The following CHCHD3 variants were observed in gnomAD, a reference collection of about 807,000 sequenced individuals.
The protein encoded by CHCHD3 is MICOS complex subunit MIC19.
A neutral mutation model predicts 38.2 loss-of-function variants in CHCHD3; 20 were observed. The ratio of observed to expected loss-of-function variants is 0.52; its 90% CI spans 0.37 to 0.76. CHCHD3 has a LOEUF of 0.76. Among genes scored for constraint, CHCHD3 ranks in the 30% least tolerant of loss-of-function variants. CHCHD3 has a pLI of 0.00. For missense variants in CHCHD3, 245 were observed against 279.2 expected (o/e 0.88, Z 0.87); for synonymous variants, 82 against 100.0 (o/e 0.82, Z 1.07).
intron 2 of CHCHD3, among the ~76,000 whole-genome samples, chr7:133,067,008 C>T (rs1418972002): frequency 1.3e-5 from 2 of 152,196 alleles, no homozygotes; most frequent in Non-Finnish European, 2.9e-5. Context: ...GTCAGACAAA[C>T]TTGAATGTAA....
chr7:132,956,483 T>G (rs1170455368), intron 4 of CHCHD3, among the ~76,000 whole-genome samples: 4 of 152,212 alleles, frequency 2.6e-5, no homozygotes, highest in Non-Finnish European at 5.9e-5. Context: ...AGTCCACTCT[T>G]GCTAAAACAA....
At chr7:133,072,711 C>T (rs1267984094) in intron 1 of CHCHD3, among the ~76,000 whole-genome samples, 1 of 151,630 alleles carries the variant, frequency 6.6e-6, no homozygotes, top group African/African-American at 2.4e-5. Context: ...TGGTGGCGGG[C>T]GCCTGTAGTC....
At chr7:132,862,120 G>A (rs1808510068) in intron 5 of CHCHD3, among the ~76,000 whole-genome samples, 2 of 150,776 alleles carry the variant, frequency 1.3e-5, no homozygotes, top group South Asian at 4.2e-4. Flanking sequence ...AATGAAGGAA[G>A]GAAGGAGGGA....
chr7:133,012,517 A>C (rs1812902357), intron 3 of CHCHD3, among the ~76,000 whole-genome samples: 1 of 152,128 alleles, frequency 6.6e-6, no homozygotes, highest in Admixed American at 6.5e-5. Context: ...TAATCCTAAC[A>C]CTTTGGGAAG....
intron 4 of CHCHD3, among the ~76,000 whole-genome samples, chr7:132,928,555 G>T (rs893720676): frequency 1.3e-5 from 2 of 152,212 alleles, no homozygotes; most frequent in Admixed American, 6.5e-5. Context: ...AAATTAGCCA[G>T]GCATGGTGGT....
intron 6 of CHCHD3, among the ~76,000 whole-genome samples, chr7:132,824,678 C>T (rs1440159197): frequency 6.6e-6 from 1 of 152,188 alleles, no homozygotes; most frequent in Non-Finnish European, 1.5e-5. Context: ...TAAAATACGG[C>T]ATTTCAAGTT....
At chr7:132,858,637 T>C (rs1808404485) in intron 5 of CHCHD3, among the ~76,000 whole-genome samples, 1 of 152,274 alleles carries the variant, frequency 6.6e-6, no homozygotes, top group Non-Finnish European at 1.5e-5. Context: ...AAATTTTTAG[T>C]CTTCAGCTCT....
At chr7:132,810,877 C>T (rs1807053504) in intron 6 of CHCHD3, among the ~76,000 whole-genome samples, 1 of 152,080 alleles carries the variant, frequency 6.6e-6, no homozygotes, top group Non-Finnish European at 1.5e-5. Context: ...AGAAAAATCA[C>T]AAAACTAGGG....
intron 2 of CHCHD3, among the ~76,000 whole-genome samples, chr7:133,055,242 T>G (rs1332330122): frequency 1.4e-5 from 2 of 147,740 alleles, no homozygotes; most frequent in Non-Finnish European, 3.0e-5. Context: ...TATACTTATA[T>G]GTTTATAATA....
At chr7:133,036,859 GA>G (rs1211701435) in intron 2 of CHCHD3, among the ~76,000 whole-genome samples, 5 of 152,176 alleles carry the variant, frequency 3.3e-5, no homozygotes, top group African/African-American at 1.2e-4. Flanking sequence ...TAGTTTGCAA[GA>G]GACTGTTTAA....
Position 132,911,327 on chromosome 7 carries a change from T to A in CHCHD3, c.370-25582A>T, listed in dbSNP as rs529664539. Among the ~76,000 whole-genome samples the A allele has an allele frequency of 9.2e-5, 14 of 152,132 alleles. No homozygotes were observed. In the South Asian group the frequency reaches 2.9e-3, roughly 32 times the overall value. ...AAGAGCTAGAAGCAACCCGAGAACA[T>A]CATTAACTACCTGTCAATGTTCTCT... On this transcript the variant is annotated intron_variant, in intron 4 of 7. Coordinates refer to ENST00000262570, the MANE Select transcript of CHCHD3 (RefSeq NM_017812.4).
intron 5 of CHCHD3, among the ~76,000 whole-genome samples, chr7:132,874,792 C>G (rs907159424): frequency 6.6e-6 from 1 of 152,070 alleles, no homozygotes; most frequent in Non-Finnish European, 1.5e-5. Flanking sequence ...AAATTAGATA[C>G]CTTGGGCTAC....
intron 4 of CHCHD3, among the ~76,000 whole-genome samples, chr7:132,930,399 C>T (rs1462656993): frequency 6.6e-6 from 1 of 152,000 alleles, no homozygotes; most frequent in Non-Finnish European, 1.5e-5. Context: ...AAACTCCTGA[C>T]CTCAGGCAAT....
intron 6 of CHCHD3, among the ~76,000 whole-genome samples, chr7:132,808,428 G>A (rs1240303224): frequency 1.3e-5 from 2 of 152,170 alleles, no homozygotes; most frequent in East Asian, 1.9e-4. Flanking sequence ...GTACTCCTAC[G>A]ACTCTGTTTG....
chr7:133,043,666 C>T (rs1027501083), intron 2 of CHCHD3, among the ~76,000 whole-genome samples: 1 of 150,512 alleles, frequency 6.6e-6, no homozygotes, highest in Admixed American at 6.6e-5. Context: ...AAAAAATAGA[C>T]AAAATTCCCT....
chr7:132,798,793 A>G (rs1461776163), intron 6 of CHCHD3, among the ~76,000 whole-genome samples: 1 of 152,120 alleles, frequency 6.6e-6, no homozygotes, highest in Non-Finnish European at 1.5e-5. Context: ...TAAAAAGTCT[A>G]CTCACGATGG....
At chr7:132,874,501 G>A (rs1233819258) in intron 5 of CHCHD3, among the ~76,000 whole-genome samples, 1 of 152,126 alleles carries the variant, frequency 6.6e-6, no homozygotes, top group African/African-American at 2.4e-5. Context: ...AACACTTGCG[G>A]GAAGATTTGT....
intron 1 of CHCHD3, among the ~76,000 whole-genome samples, chr7:133,079,259 C>T (rs1815099802): frequency 6.6e-6 from 1 of 152,226 alleles, no homozygotes; most frequent in African/African-American, 2.4e-5. Flanking sequence ...AGTGCAAACA[C>T]TGTCAAAGTA....
At chr7:132,827,993 T>C (rs1431793200) in intron 6 of CHCHD3, among the ~76,000 whole-genome samples, 1 of 152,204 alleles carries the variant, frequency 6.6e-6, no homozygotes, top group Non-Finnish European at 1.5e-5. Context: ...AGTGGAATAC[T>C]GTCTGTTTTG....
Sources: gnomAD v4.1 joint callset for allele counts (sites outside exome capture counted in the v4.1 genomes callset) on GRCh38, gnomAD v4.1.1 for gene constraint, MANE v1.5 for transcripts, NCBI Gene and HGNC (gene_info 2026-07-23, HGNC 2026-07-21) for gene names.